ABR: variants seen among roughly 807,000 people sequenced by gnomAD.
ABR encodes the protein ABR activator of RhoGEF and GTPase.
A neutral mutation model predicts 107.2 loss-of-function variants in ABR; 35 were observed. That is an observed-to-expected ratio of 0.33 (90% confidence interval 0.25 to 0.43). ABR has a LOEUF of 0.43. Among genes scored for constraint, ABR ranks in the 20% least tolerant of loss-of-function variants. ABR has a pLI of 1.00. For synonymous variants in ABR, 498 were observed against 462.0 expected, an observed-to-expected ratio of 1.08 and a Z score of -1.00; for missense variants, 815 against 1,115.2, an observed-to-expected ratio of 0.73 and a Z score of 3.83.
In ABR at chr17:1,157,483, T is replaced by G. The variant is rs375980997; in HGVS notation, c.61+22184A>C. On this transcript the variant is annotated intron_variant, in intron 1 of 22. Coordinates refer to ENST00000302538, the MANE Select transcript of ABR (RefSeq NM_021962.5). This position sits in a 1 kb window ranked among gnomAD's most constrained non-coding sequence, Gnocchi z 4.7. ...CCAGGCTGGTCTCGAACTCCTGACC[T>G]CATGTGATCTGCCTGCCTCGGCCTC... is the stretch of plus-strand genomic sequence containing the variant. 3.3e-5 allele frequency among the ~76,000 whole-genome samples: 5 copies of G among 152,208 alleles called. No individual in the cohort carries two copies. The East Asian group carries it at 7.7e-4, about 24-fold the overall frequency.
Position 1,092,281 on chromosome 17 carries a change from G to A in ABR, c.346-431C>T, listed in dbSNP as rs2037082901. On this transcript the variant is annotated intron_variant, in intron 3 of 22. Transcript: ENST00000302538. The surrounding 1 kb of genome is among the most constrained non-coding windows in gnomAD (Gnocchi z 4.6). ...TTCCAAGAAACAGAATGTGGTTCTA[G>A]GACTCAGAAGGTAGGGACCCGAAGT... is the stretch of plus-strand genomic sequence containing the variant. Among the ~76,000 whole-genome samples, 1 of 152,196 alleles carries A rather than the reference G, an allele frequency of 6.6e-6. No homozygotes were observed. The highest frequency in any genetic ancestry group is 2.4e-5 in the African/African-American group (1 of 41,454).
intron 5 of ABR, 150 bp downstream of exon 5, chr17:1,083,370 G>A (rs376860643): frequency 4.1e-5 from 16 of 386,642 alleles, no homozygotes; most frequent in South Asian, 2.1e-4. Flanking sequence ...GAGGGAAAAT[G>A]TCAGGTGCAA....
chr17:1,143,917 T>C (rs1177530126), intron 1 of ABR, among the ~76,000 whole-genome samples: 2 of 152,062 alleles, frequency 1.3e-5, no homozygotes, highest in African/African-American at 2.4e-5. Context: ...ATCTGCGCAG[T>C]GTTTTACACG....
upstream of ABR, among the ~76,000 whole-genome samples, chr17:1,182,468 C>T (rs1338959149): frequency 7.9e-5 from 12 of 152,048 alleles, no homozygotes; most frequent in East Asian, 1.9e-4. Flanking sequence ...CCCGGGTTCA[C>T]GCCATTCTCT....
In ABR at chr17:1,010,993, A is replaced by G; in HGVS notation, c.2102-130T>C. On this transcript the variant is annotated intron_variant, in intron 19 of 22. Transcript: ENST00000302538. This position sits in a 1 kb window ranked among gnomAD's most constrained non-coding sequence, Gnocchi z 4.1. ...GGTCTCCCCTGGAAGAGCAGGATGT[A>G]GAGAGGGCCCACAGGTGTCTGTGAC... The G allele has an allele frequency of 8.0e-7, 1 of 1,249,072 alleles. No individual in the cohort carries two copies. The highest frequency in any genetic ancestry group is 1.1e-6 in the Non-Finnish European group (1 of 888,136). The allele number at this position is 1,249,072 out of a possible 1,614,324, so 77.4% of individuals were successfully genotyped here.
intron 2 of ABR, among the ~76,000 whole-genome samples, chr17:1,103,516 G>T (rs550574754): frequency 1.2e-4 from 18 of 152,266 alleles, no homozygotes; most frequent in Non-Finnish European, 1.8e-4. Context: ...GGACTAGGAT[G>T]GGGGGAAGAA....
intron 16 of ABR, among the ~76,000 whole-genome samples, chr17:1,039,801 C>T (rs902401051): frequency 4.6e-5 from 7 of 152,100 alleles, no homozygotes; most frequent in African/African-American, 1.2e-4. Flanking sequence ...AGCAGGGAGG[C>T]GGAACTCCTA....
At chr17:1,219,288 C>A (rs1350396660) in intron 1 of ABR, among the ~76,000 whole-genome samples, 1 of 152,004 alleles carries the variant, frequency 6.6e-6, no homozygotes, top group Non-Finnish European at 1.5e-5. Flanking sequence ...AAATGGTCCG[C>A]CTGCCTTGGC....
At chr17:1,008,536 C>G (rs1043012837) in intron 21 of ABR, among the ~76,000 whole-genome samples, 9 of 152,260 alleles carry the variant, frequency 5.9e-5, no homozygotes, top group Admixed American at 5.2e-4. Context: ...TCCCTTCCCA[C>G]TCCTCCCCAC....
chr17:1,061,951 A>T (rs370622568), intron 10 of ABR, among the ~76,000 whole-genome samples: 1 of 152,314 alleles, frequency 6.6e-6, no homozygotes, highest in Admixed American at 6.5e-5. Flanking sequence ...GAGTCTGACA[A>T]TGCAATTACA....
At chr17:1,121,602 G>T (rs368824986) in intron 2 of ABR, among the ~76,000 whole-genome samples, 2 of 144,856 alleles carry the variant, frequency 1.4e-5, no homozygotes, top group East Asian at 2.3e-4. Flanking sequence ...AGTGGGATGG[G>T]AGCTGAGTCC....
At chr17:1,083,671 G>A in intron 4 of ABR, 44 bp from the exon 5 acceptor site, 2 of 1,434,878 alleles carry the variant, frequency 1.4e-6, no homozygotes, top group Non-Finnish European at 2.0e-6. Context: ...AGGGTGGGAG[G>A]GGAGAGGATT....
intron 2 of ABR, among the ~76,000 whole-genome samples, chr17:1,117,768 A>AT (rs2039091129): frequency 2.6e-5 from 2 of 77,446 alleles, no homozygotes; most frequent in Admixed American, 1.4e-4. Context: ...TCCCAGCGTT[A>AT]TCCCTGAGCC....
At chr17:1,177,597 T>C (rs1423843180) in intron 1 of ABR, among the ~76,000 whole-genome samples, 1 of 152,258 alleles carries the variant, frequency 6.6e-6, no homozygotes, top group East Asian at 1.9e-4. Flanking sequence ...GGGTGGGGTA[T>C]GGAAGACTTG....
At chr17:1,094,457 G>T (rs964140482) in intron 3 of ABR, among the ~76,000 whole-genome samples, 4 of 149,066 alleles carry the variant, frequency 2.7e-5, no homozygotes, top group Admixed American at 1.4e-4. Context: ...TGCAACCTCC[G>T]CCTCCCAGGT....
At chr17:1,069,917 C>T (rs2035086879) in intron 9 of ABR, 52 bp downstream of exon 9, 1 of 1,335,988 alleles carries the variant, frequency 7.5e-7, no homozygotes, top group African/African-American at 1.7e-5. Flanking sequence ...ACTCACCCCG[C>T]AGAGGTCCGG....
At chr17:1,132,223 GCA>G (rs148600729) in intron 1 of ABR, among the ~76,000 whole-genome samples, 2 of 151,290 alleles carry the variant, frequency 1.3e-5, no homozygotes, top group Admixed American at 1.3e-4. Context: ...ACAAAGACAC[GCA>G]CACACACACA....
chr17:1,070,113 C>CA lies in ABR; in HGVS notation c.895-24dup. 1 of 1,613,058 alleles carries CA rather than the reference C, an allele frequency of 6.2e-7. No homozygotes were observed. Among genetic ancestry groups the CA allele is most frequent in the Non-Finnish European group, 8.5e-7 (1 of 1,179,648 alleles). The stretch of plus-strand genomic sequence containing the variant: ...CGTCTGAGGGAGATGGCAGACCCCC[C>CA]AGCCTGCTCAGAGGGGAATGCGGCC... On this transcript the variant is annotated intron_variant, in intron 8 of 22. Coordinates refer to ENST00000302538, the MANE Select transcript of ABR (RefSeq NM_021962.5). This position sits in a 1 kb window ranked among gnomAD's most constrained non-coding sequence, Gnocchi z 4.2.
chr17:1,051,161 G>A lies in ABR; in HGVS notation c.1562-527C>T, dbSNP rs372026739. The stretch of plus-strand genomic sequence containing the variant: ...TCGGAGCATCCCCTGCCGCGGTGAC[G>A]ACCAACAACGCCCACATCCCCAAGC... On this transcript the variant is annotated intron_variant, in intron 14 of 22. Transcript: ENST00000302538. This position sits in a 1 kb window ranked among gnomAD's most constrained non-coding sequence, Gnocchi z 4.3. 1.8e-4 allele frequency among the ~76,000 whole-genome samples: 27 copies of A among 152,202 alleles called. No individual in the cohort carries two copies. The South Asian group carries it at 4.6e-3, about 26-fold the overall frequency.
Sources: gnomAD v4.1 joint callset for allele counts (sites outside exome capture counted in the v4.1 genomes callset) on GRCh38, gnomAD v4.1.1 for gene constraint, Gnocchi (gnomAD v3.1) non-coding constraint, MANE v1.5 for transcripts, NCBI Gene and HGNC (gene_info 2026-07-23, HGNC 2026-07-21) for gene names.